KCNK13: variants seen among roughly 807,000 people sequenced by gnomAD.
The protein encoded by KCNK13 is potassium channel subfamily K member 13.
A neutral mutation model predicts 23.4 loss-of-function variants in KCNK13; 12 were observed. The observed-to-expected ratio is 0.51, with a 90% CI of 0.33 to 0.83. The LOEUF is 0.83. Ranked by LOEUF, KCNK13 falls within the 40% of genes least tolerant of loss-of-function variation. KCNK13 has a pLI of 0.02. For missense variants in KCNK13, 463 were observed against 556.3 expected (o/e 0.83, Z 1.69); for synonymous variants, 231 against 229.5 (o/e 1.01, Z -0.06).
chr14:90,111,474 C>T (rs1020767398), intron 1 of KCNK13, among the ~76,000 whole-genome samples: 2 of 152,156 alleles, frequency 1.3e-5, no homozygotes. Context: ...TTAGTTGTTA[C>T]TCAAGCCCAA....
At position 90,123,085 on chromosome 14, in the gene KCNK13, C is replaced by T. The variant is rs1353702978; in HGVS notation, c.334+60546C>T. On this transcript the variant is annotated intron_variant, in intron 1 of 1. Transcript: ENST00000282146. Reference sequence around the variant, plus strand: ...TTATTGAACTATAGCTATATTCAAACAGCCTGATAAGCATCAGGGAAATGA... The same window carrying T: ...TTATTGAACTATAGCTATATTCAAATAGCCTGATAAGCATCAGGGAAATGA... Among the ~76,000 whole-genome samples the T allele has an allele frequency of 2.0e-5, 3 of 152,284 alleles. No homozygotes were observed. In the East Asian group the frequency reaches 5.8e-4, roughly 29 times the overall value.
At chr14:90,155,784 T>G (rs1183578036) in intron 1 of KCNK13, among the ~76,000 whole-genome samples, 2 of 151,932 alleles carry the variant, frequency 1.3e-5, no homozygotes, top group African/African-American at 4.8e-5. Context: ...GGAGGGGAAA[T>G]AAAGGAATTC....
intron 1 of KCNK13, among the ~76,000 whole-genome samples, chr14:90,111,563 G>A (rs1010188648): frequency 6.6e-6 from 1 of 152,146 alleles, no homozygotes; most frequent in African/African-American, 2.4e-5. Flanking sequence ...ATGGAAGACA[G>A]TGAAATGTTC....
At chr14:90,104,070 C>A (rs956490094) in intron 1 of KCNK13, among the ~76,000 whole-genome samples, 1 of 152,136 alleles carries the variant, frequency 6.6e-6, no homozygotes, top group Non-Finnish European at 1.5e-5. Context: ...GGGCAGGAGT[C>A]AACTTCTCTT....
intron 1 of KCNK13, among the ~76,000 whole-genome samples, chr14:90,090,186 A>G (rs911492040): frequency 6.6e-6 from 1 of 152,258 alleles, no homozygotes; most frequent in East Asian, 1.9e-4. Flanking sequence ...AATACCAGCC[A>G]TGAAAGCAGC....
At chr14:90,138,974 C>T (rs1331817220) in intron 1 of KCNK13, among the ~76,000 whole-genome samples, 1 of 152,088 alleles carries the variant, frequency 6.6e-6, no homozygotes, top group African/African-American at 2.4e-5. Context: ...AACAGTGGGG[C>T]TCTGGGGAAG....
intron 1 of KCNK13, among the ~76,000 whole-genome samples, chr14:90,134,326 G>A (rs1164559660): frequency 6.6e-6 from 1 of 152,202 alleles, no homozygotes; most frequent in African/African-American, 2.4e-5. Context: ...TCATGTCCAA[G>A]TGGTAGAAAT....
chr14:90,067,827 C>T (rs922942038), intron 1 of KCNK13, among the ~76,000 whole-genome samples: 1 of 152,140 alleles, frequency 6.6e-6, no homozygotes, highest in Non-Finnish European at 1.5e-5. Context: ...CCCGTGTTTG[C>T]TGGTATATCT....
At chr14:90,063,802 A>G (rs1596761181) in intron 1 of KCNK13, among the ~76,000 whole-genome samples, 1 of 152,288 alleles carries the variant, frequency 6.6e-6, no homozygotes, top group Middle Eastern at 3.4e-3. Flanking sequence ...ATCATGAAAG[A>G]CTTCCCAGGG....
At chr14:90,111,923 G>C (rs1355637469) in intron 1 of KCNK13, among the ~76,000 whole-genome samples, 1 of 152,084 alleles carries the variant, frequency 6.6e-6, no homozygotes, top group Non-Finnish European at 1.5e-5. Context: ...CACACTCCAG[G>C]CTCTTAAGAG....
chr14:90,184,916 A>G lies in KCNK13; in HGVS notation c.1140A>G (p.Thr380=), dbSNP rs765057419. Reference sequence around the variant, plus strand: ...ACGGCTGCCCCCACCAGACCAGCACACTGGCCCGGGACAATGAATTCTCAG... The same window carrying G: ...ACGGCTGCCCCCACCAGACCAGCACGCTGGCCCGGGACAATGAATTCTCAG... ...MANGCPHQTS[T]LARDNEFSGG... Residue 380 remains threonine (T), a synonymous_variant, in exon 2 of 2, where the codon ACA becomes ACG. Coordinates refer to ENST00000282146, the MANE Select transcript of KCNK13 (RefSeq NM_022054.4). This position sits in a 1 kb window ranked among gnomAD's most constrained non-coding sequence, Gnocchi z 5.6. 94 of 1,613,438 alleles carry G rather than the reference A, an allele frequency of 5.8e-5. No individual in the cohort carries two copies. In the South Asian group the frequency reaches 1.0e-3, roughly 17 times the overall value.
At chr14:90,101,790 CAAAAAAAAA>C (rs546423368) in intron 1 of KCNK13, among the ~76,000 whole-genome samples, 6 of 55,582 alleles carry the variant, frequency 1.1e-4, no homozygotes, top group East Asian at 9.0e-4. Flanking sequence ...ACTCCGTCTC[CAAAAAAAAA>C]AAAAAAAAAA....
At chr14:90,076,921 TC>T (rs1889142672) in intron 1 of KCNK13, among the ~76,000 whole-genome samples, 1 of 152,098 alleles carries the variant, frequency 6.6e-6, no homozygotes, top group Non-Finnish European at 1.5e-5. Flanking sequence ...CCGAGTTCAC[TC>T]CATTCTCCTG....
chr14:90,078,831 T>C (rs1889174250), intron 1 of KCNK13, among the ~76,000 whole-genome samples: 1 of 152,220 alleles, frequency 6.6e-6, no homozygotes, highest in Non-Finnish European at 1.5e-5. Context: ...CATGACCTGC[T>C]CATTCTTTCA....
At chr14:90,072,318 C>A (rs1399301884) in intron 1 of KCNK13, among the ~76,000 whole-genome samples, 1 of 152,188 alleles carries the variant, frequency 6.6e-6, no homozygotes, top group African/African-American at 2.4e-5. Flanking sequence ...ACACTGTAAT[C>A]CATGAACTCA....
intron 1 of KCNK13, among the ~76,000 whole-genome samples, chr14:90,173,222 T>C (rs1314035560): frequency 6.6e-6 from 1 of 152,168 alleles, no homozygotes; most frequent in Non-Finnish European, 1.5e-5. Flanking sequence ...CTAGGTGTGG[T>C]GGCTCATGCC....
chr14:90,131,292 C>T (rs917814686), intron 1 of KCNK13, among the ~76,000 whole-genome samples: 11 of 151,938 alleles, frequency 7.2e-5, no homozygotes, highest in African/African-American at 2.2e-4. Flanking sequence ...AGTGTAGTGG[C>T]GTGATCTCAG....
At chr14:90,098,109 G>A (rs1274268337) in intron 1 of KCNK13, among the ~76,000 whole-genome samples, 1 of 152,110 alleles carries the variant, frequency 6.6e-6, no homozygotes, top group Non-Finnish European at 1.5e-5. Context: ...TATGCTCCAT[G>A]TGCCACACAT....
intron 1 of KCNK13, among the ~76,000 whole-genome samples, chr14:90,075,783 G>T: frequency 6.6e-6 from 1 of 152,054 alleles, no homozygotes; most frequent in East Asian, 1.9e-4. Flanking sequence ...AACAGGTCTA[G>T]ACTTATCTTT....
Sources: gnomAD v4.1 joint callset for allele counts (sites outside exome capture counted in the v4.1 genomes callset) on GRCh38, gnomAD v4.1.1 for gene constraint, Gnocchi (gnomAD v3.1) non-coding constraint, MANE v1.5 for transcripts, NCBI Gene and HGNC (gene_info 2026-07-23, HGNC 2026-07-21) for gene names.